The following CTNNA3 variants were observed in gnomAD, a reference collection of about 807,000 sequenced individuals.
CTNNA3 encodes catenin alpha-3.
Under a neutral mutation model 95.7 loss-of-function variants are expected in CTNNA3, and 76 were observed. That is an observed-to-expected ratio of 0.79 (90% confidence interval 0.66 to 0.96). The LOEUF is 0.96. Ranked by LOEUF, CTNNA3 falls within the 40% of genes least tolerant of loss-of-function variation. The pLI, the probability that CTNNA3 is intolerant of heterozygous loss-of-function variation, is 0.00. For synonymous variants in CTNNA3, 431 were observed against 374.4 expected, an observed-to-expected ratio of 1.15 and a Z score of -1.74; for missense variants, 1,191 against 1,089.8, an observed-to-expected ratio of 1.09 and a Z score of -1.31.
At chr10:66,275,042 C>A (rs2091362266) in intron 13 of CTNNA3, among the ~76,000 whole-genome samples, 1 of 152,084 alleles carries the variant, frequency 6.6e-6, no homozygotes, top group Admixed American at 6.6e-5. Flanking sequence ...TTAGTTGCTA[C>A]TACATTGAAA....
At chr10:67,232,439 T>C (rs1160581009) in intron 5 of CTNNA3, among the ~76,000 whole-genome samples, 2 of 151,950 alleles carry the variant, frequency 1.3e-5, no homozygotes, top group East Asian at 1.9e-4. Context: ...AGAAATAAAA[T>C]ACTTTACAGA....
intron 7 of CTNNA3, among the ~76,000 whole-genome samples, chr10:66,945,240 C>G (rs1354364407): frequency 6.6e-6 from 1 of 152,210 alleles, no homozygotes; most frequent in Non-Finnish European, 1.5e-5. Context: ...TAACCACCTT[C>G]ATCAATTATC....
chr10:66,920,354 C>G (rs972702003), intron 7 of CTNNA3, among the ~76,000 whole-genome samples: 1 of 152,138 alleles, frequency 6.6e-6, no homozygotes, highest in African/African-American at 2.4e-5. Context: ...TTCCAAATTC[C>G]AAATGTCAAC....
intron 1 of CTNNA3, among the ~76,000 whole-genome samples, chr10:67,690,854 C>T (rs1840832168): frequency 6.8e-6 from 1 of 146,180 alleles, no homozygotes; most frequent in African/African-American, 2.6e-5. Context: ...AGTCTTGCTA[C>T]AGCCTCTCCC....
chr10:66,632,382 C>T (rs1253041932), intron 9 of CTNNA3, among the ~76,000 whole-genome samples: 3 of 151,640 alleles, frequency 2.0e-5, no homozygotes, highest in African/African-American at 7.3e-5. Flanking sequence ...GGTGCAACCC[C>T]ATCTCTACTA....
chr10:66,185,086 G>A (rs984110453), intron 13 of CTNNA3, among the ~76,000 whole-genome samples: 2 of 152,256 alleles, frequency 1.3e-5, no homozygotes, highest in Admixed American at 1.3e-4. Flanking sequence ...GCTATTGACT[G>A]GGTATAACAT....
At chr10:67,260,062 C>T (rs1252580300) in intron 5 of CTNNA3, among the ~76,000 whole-genome samples, 1 of 152,136 alleles carries the variant, frequency 6.6e-6, no homozygotes, top group Non-Finnish European at 1.5e-5. Flanking sequence ...AATCAAGTAA[C>T]ATGTATTTGC....
intron 1 of CTNNA3, among the ~76,000 whole-genome samples, chr10:67,722,447 G>T (rs1340356667): frequency 6.6e-6 from 1 of 152,036 alleles, no homozygotes; most frequent in Non-Finnish European, 1.5e-5. Context: ...ATATCTAAAG[G>T]CAATCAAATA....
chr10:67,485,995 G>A (rs1318165852), intron 5 of CTNNA3, among the ~76,000 whole-genome samples: 1 of 152,132 alleles, frequency 6.6e-6, no homozygotes, highest in Non-Finnish European at 1.5e-5. Context: ...TTCCTAATTA[G>A]AAGCCTTTTA....
rs181247726 is a variant in CTNNA3 at position 66,639,400 on chromosome 10, G to T, written c.1282-17616C>A. Reference sequence around the variant, plus strand: ...AGCAGGTGCTGATGAAGTAGAGGTTGCGCTATGAATATAGGAAGCAGTATG... The same window carrying T: ...AGCAGGTGCTGATGAAGTAGAGGTTTCGCTATGAATATAGGAAGCAGTATG... On this transcript the variant is annotated intron_variant, in intron 9 of 17. Coordinates refer to ENST00000433211, the MANE Select transcript of CTNNA3 (RefSeq NM_013266.4). 3.6e-4 allele frequency among the ~76,000 whole-genome samples: 55 copies of T among 152,254 alleles called. 1 individual carries two copies. The highest frequency in any genetic ancestry group is 6.8e-3 in the Middle Eastern group (2 of 294).
chr10:66,142,884 G>T (rs1183148873), intron 13 of CTNNA3, among the ~76,000 whole-genome samples: 1 of 152,056 alleles, frequency 6.6e-6, no homozygotes, highest in Non-Finnish European at 1.5e-5. Context: ...AAAGTCAGTT[G>T]CAGAGGAAGA....
chr10:66,532,090 T>G (rs1159786961), intron 10 of CTNNA3, among the ~76,000 whole-genome samples: 1 of 152,306 alleles, frequency 6.6e-6, no homozygotes, highest in East Asian at 1.9e-4. Context: ...CAATTTCATA[T>G]AGACATAAAG....
At chr10:66,345,685 T>C (rs2092501888) in intron 12 of CTNNA3, among the ~76,000 whole-genome samples, 1 of 152,132 alleles carries the variant, frequency 6.6e-6, no homozygotes, top group South Asian at 2.1e-4. Flanking sequence ...TTCTTCATGA[T>C]ATAGCAAAAT....
chr10:66,331,285 G>C (rs2092324962), intron 12 of CTNNA3, among the ~76,000 whole-genome samples: 1 of 148,656 alleles, frequency 6.7e-6, no homozygotes, highest in African/African-American at 2.5e-5. Context: ...TTCTACATAT[G>C]GCTAGCCAGT....
Position 67,574,662 on chromosome 10 carries a change from C to T in CTNNA3, c.292+32195G>A, listed in dbSNP as rs993835040. Reference sequence around the variant, plus strand: ...GTGGTGCGATCTCTGCTCACCACAACCTCTGCCTCCTGGGTTCAAGCTATT... The same window carrying T: ...GTGGTGCGATCTCTGCTCACCACAATCTCTGCCTCCTGGGTTCAAGCTATT... On this transcript the variant is annotated intron_variant, in intron 3 of 17. Transcript: ENST00000433211. Among the ~76,000 whole-genome samples the T allele has an allele frequency of 4.0e-5, 6 of 150,948 alleles. No homozygotes were observed. In the East Asian group the frequency reaches 9.8e-4, roughly 25 times the overall value.
intron 7 of CTNNA3, among the ~76,000 whole-genome samples, chr10:66,885,416 C>T (rs1298618650): frequency 1.3e-5 from 2 of 151,322 alleles, no homozygotes; most frequent in African/African-American, 4.8e-5. Context: ...TCTTAATGAG[C>T]AACCATATCC....
chr10:65,997,402 C>T (rs1017454652), intron 15 of CTNNA3, among the ~76,000 whole-genome samples: 15 of 152,270 alleles, frequency 9.9e-5, no homozygotes, highest in East Asian at 1.9e-4. Flanking sequence ...ACTGGTCAAT[C>T]GGTATACCAT....
At chr10:66,980,685 T>C (rs148191367) in intron 7 of CTNNA3, among the ~76,000 whole-genome samples, 2,146 of 152,280 alleles carry the variant, frequency 0.014, 49 homozygotes, top group African/African-American at 0.048. Flanking sequence ...CAGTTTTCAG[T>C]ACAAAATTGT....
At chr10:66,526,922 A>G (rs1467909744) in intron 10 of CTNNA3, among the ~76,000 whole-genome samples, 2 of 152,016 alleles carry the variant, frequency 1.3e-5, no homozygotes, top group African/African-American at 4.8e-5. Context: ...ATGTCCTCTG[A>G]TATACAGAAG....
Sources: gnomAD v4.1 joint callset for allele counts (sites outside exome capture counted in the v4.1 genomes callset) on GRCh38, gnomAD v4.1.1 for gene constraint, MANE v1.5 for transcripts, NCBI Gene and HGNC (gene_info 2026-07-23, HGNC 2026-07-21) for gene names.